LSAMP: variants seen among roughly 807,000 people sequenced by gnomAD.
LSAMP encodes limbic system associated membrane protein, also known as limbic system-associated membrane protein.
LSAMP carries 7 observed loss-of-function variants against 38.6 expected under a neutral mutation model. That is an observed-to-expected ratio of 0.18 (90% CI 0.10 to 0.34). LSAMP has a LOEUF of 0.34. Ranked by LOEUF, LSAMP falls within the 10% of genes least tolerant of loss-of-function variation. LSAMP has a pLI of 1.00. For missense variants in LSAMP, 313 were observed against 420.0 expected (o/e 0.75, Z 2.23); for synonymous variants, 154 against 166.8 (o/e 0.92, Z 0.59).
chr3:116,134,323 T>G (rs1412060054), intron 1 of LSAMP, among the ~76,000 whole-genome samples: 4 of 152,194 alleles, frequency 2.6e-5, no homozygotes, highest in Non-Finnish European at 5.9e-5. Context: ...TTATTATAAA[T>G]CACCACCATC....
chr3:116,089,789 G>GA (rs571515378), intron 1 of LSAMP, among the ~76,000 whole-genome samples: 13 of 150,892 alleles, frequency 8.6e-5, no homozygotes, highest in East Asian at 7.7e-4. Flanking sequence ...TATCTCAATG[G>GA]AAAAAAAATA....
At chr3:115,838,815 C>G (rs767956508) in intron 6 of LSAMP, among the ~76,000 whole-genome samples, 4 of 152,204 alleles carry the variant, frequency 2.6e-5, no homozygotes, top group African/African-American at 4.8e-5. Flanking sequence ...ATGCATGTGA[C>G]TGCAAGTTTA....
At chr3:116,074,906 C>T (rs150488905) in intron 2 of LSAMP, among the ~76,000 whole-genome samples, 1,826 of 138,796 alleles carry the variant, frequency 0.013, 31 homozygotes, top group African/African-American at 0.048. Flanking sequence ...TGCAATGGTG[C>T]GATCTCGGCT....
At chr3:116,251,073 C>T (rs558191349) in intron 1 of LSAMP, among the ~76,000 whole-genome samples, 158 of 152,296 alleles carry the variant, frequency 1.0e-3, no homozygotes, top group African/African-American at 3.6e-3. Context: ...GTTCACTACC[C>T]TCTTTGCTAA....
chr3:116,200,628 A>C (rs1353373677), intron 1 of LSAMP, among the ~76,000 whole-genome samples: 1 of 152,196 alleles, frequency 6.6e-6, no homozygotes, highest in Non-Finnish European at 1.5e-5. Flanking sequence ...GTTCCGTTTA[A>C]AACCCTGCCA....
At position 115,828,600 on chromosome 3, in the gene LSAMP, T is replaced by C. The variant is rs544195377; in HGVS notation, c.919+13245A>G. Among the ~76,000 whole-genome samples, 37 of 152,358 alleles carry C rather than the reference T, an allele frequency of 2.4e-4. No individual in the cohort carries two copies. The South Asian group carries it at 4.6e-3, about 19-fold the overall frequency. On this transcript the variant is annotated intron_variant, in intron 6 of 6. Transcript: ENST00000490035. ...AGTTTTCTGTCCATCAAGATCCTGG[T>C]CTTCTCACCCTTTGGGGCAGCATGC...
At chr3:116,397,357 T>C (rs917793356) in intron 1 of LSAMP, among the ~76,000 whole-genome samples, 1 of 147,654 alleles carries the variant, frequency 6.8e-6, no homozygotes, top group Non-Finnish European at 1.5e-5. Context: ...AGAGTGCTTT[T>C]CCCTCAGCCT....
At chr3:116,057,553 A>G (rs1297841049) in intron 2 of LSAMP, among the ~76,000 whole-genome samples, 3 of 152,266 alleles carry the variant, frequency 2.0e-5, no homozygotes, top group South Asian at 4.2e-4. Context: ...ATTTCTTTCA[A>G]CAAACTGAAA....
intron 2 of LSAMP, among the ~76,000 whole-genome samples, chr3:116,039,461 G>A (rs992127040): frequency 6.6e-6 from 1 of 152,198 alleles, no homozygotes; most frequent in South Asian, 2.1e-4. Context: ...TAAGTAACGT[G>A]TTAACAGCAC....
At chr3:116,338,711 G>C (rs2047952998) in intron 1 of LSAMP, among the ~76,000 whole-genome samples, 1 of 151,996 alleles carries the variant, frequency 6.6e-6, no homozygotes, top group African/African-American at 2.4e-5. Context: ...GGTTCTTTCT[G>C]AGGTGTGGAC....
chr3:115,847,890 T>C (rs955306017), intron 4 of LSAMP, among the ~76,000 whole-genome samples: 2 of 152,226 alleles, frequency 1.3e-5, no homozygotes, highest in African/African-American at 2.4e-5. Context: ...GTTGGTGTGA[T>C]GATTACAGTG....
intron 1 of LSAMP, among the ~76,000 whole-genome samples, chr3:116,109,096 C>T (rs561789220): frequency 1.3e-5 from 2 of 152,122 alleles, no homozygotes; most frequent in South Asian, 2.1e-4. Context: ...TGCTGCCAAA[C>T]GAGTCATGAA....
intron 4 of LSAMP, among the ~76,000 whole-genome samples, chr3:115,848,831 G>T (rs186695806): frequency 9.2e-5 from 14 of 152,330 alleles, no homozygotes; most frequent in Admixed American, 2.6e-4. Flanking sequence ...GCGGGGACAG[G>T]CTTGAGAGCT....
chr3:116,273,707 T>TATATATAC (rs1307543165), intron 1 of LSAMP, among the ~76,000 whole-genome samples: 4 of 102,604 alleles, frequency 3.9e-5, no homozygotes, highest in South Asian at 2.8e-4. Flanking sequence ...TATATATATA[T>TATATATAC]ACACACACAC....
intron 3 of LSAMP, among the ~76,000 whole-genome samples, chr3:115,928,369 A>G (rs1937524259): frequency 6.6e-6 from 1 of 152,224 alleles, no homozygotes; most frequent in South Asian, 2.1e-4. Context: ...GGCAAAAGTA[A>G]AAGAAGACAG....
chr3:116,077,997 C>T (rs189863564), intron 2 of LSAMP, among the ~76,000 whole-genome samples: 1 of 152,186 alleles, frequency 6.6e-6, no homozygotes. Context: ...CAATTTGTCC[C>T]GTTACTAGTA....
chr3:116,208,654 C>G (rs1437670805), intron 1 of LSAMP, among the ~76,000 whole-genome samples: 5 of 151,964 alleles, frequency 3.3e-5, no homozygotes, highest in Admixed American at 6.6e-5. Context: ...GTTGGAATAC[C>G]CTGCCGTGTG....
Position 116,444,962 on chromosome 3 carries a change from G to A in LSAMP, c.70C>T (p.Pro24Ser), listed in dbSNP as rs1438918370. The A allele has an allele frequency of 1.9e-6, 3 of 1,614,006 alleles. No homozygotes were observed. Among genetic ancestry groups the A allele is most frequent in the Non-Finnish European group, 2.5e-6 (3 of 1,180,036 alleles). The change falls in exon 1 of 7, where the codon CCC becomes TCC. Residue 24 changes from proline (P) to serine (S), a missense_variant. Physicochemically the swap from Pro to Ser is moderately conservative, Grantham distance 74. Transcript: ENST00000490035. ...ACGCTGCGAACAGGCAGTCCTGTGG[G>A]AAGAAGGCAGAGCAATCTCAGTAGG... ...LVLLRLLCLL[P>S]TGLPVRSVDF...
At chr3:116,216,759 T>G (rs1576439249) in intron 1 of LSAMP, among the ~76,000 whole-genome samples, 1 of 152,138 alleles carries the variant, frequency 6.6e-6, no homozygotes, top group Admixed American at 6.5e-5. Context: ...AAAGGTAGTA[T>G]TAAAAAGGGG....
Sources: gnomAD v4.1 joint callset for allele counts (sites outside exome capture counted in the v4.1 genomes callset) on GRCh38, gnomAD v4.1.1 for gene constraint, MANE v1.5 for transcripts, NCBI Gene and HGNC (gene_info 2026-07-23, HGNC 2026-07-21) for gene names.